The following NEK9 variants were observed in gnomAD, a reference collection of about 807,000 sequenced individuals.
NEK9 encodes the protein NIMA related kinase 9.
A neutral mutation model predicts 123.4 loss-of-function variants in NEK9; 75 were observed. The ratio of observed to expected loss-of-function variants is 0.61; its 90% CI spans 0.50 to 0.74. The LOEUF is 0.74. Among genes scored for constraint, NEK9 ranks in the 30% least tolerant of loss-of-function variants. The pLI, the probability that NEK9 is intolerant of heterozygous loss-of-function variation, is 0.00. For missense variants in NEK9, 952 were observed against 1,214.4 expected, an observed-to-expected ratio of 0.78 and a Z score of 3.21; for synonymous variants, 438 against 458.7, an observed-to-expected ratio of 0.95 and a Z score of 0.58.
At chr14:75,123,940 T>C in intron 2 of NEK9, 106 bp downstream of exon 2, 1 of 919,316 alleles carries the variant, frequency 1.1e-6, no homozygotes, top group Non-Finnish European at 1.6e-6. Flanking sequence ...AGAAATTCAT[T>C]TAAAGTTTTT....
chr14:75,118,782 C>T, intron 5 of NEK9, 48 bp downstream of exon 5: 1 of 1,061,034 alleles, frequency 9.4e-7, no homozygotes, highest in Non-Finnish European at 1.4e-6. Context: ...AGTTATATTT[C>T]ACAGTGCTAG....
At chr14:75,113,631 T>C (rs1043284248) in intron 7 of NEK9, among the ~76,000 whole-genome samples, 3 of 152,206 alleles carry the variant, frequency 2.0e-5, no homozygotes, top group Admixed American at 6.5e-5. Context: ...CAGTGGCTCT[T>C]GAACCTCAAT....
intron 19 of NEK9, among the ~76,000 whole-genome samples, chr14:75,090,276 TC>T (rs1465944213): frequency 6.7e-6 from 1 of 149,806 alleles, no homozygotes; most frequent in Non-Finnish European, 1.5e-5. Flanking sequence ...TCATGCTCGG[TC>T]TTTTTTTTTT....
intron 1 of NEK9, 114 bp from the exon 2 acceptor site, chr14:75,124,337 CTCT>C: frequency 1.2e-6 from 1 of 829,052 alleles, no homozygotes; most frequent in Admixed American, 2.7e-5. Context: ...AGACTGACTC[CTCT>C]TATTTTTTCC....
chr14:75,109,015 C>T (rs568721812), intron 10 of NEK9, among the ~76,000 whole-genome samples: 3 of 152,196 alleles, frequency 2.0e-5, no homozygotes, highest in East Asian at 1.9e-4. Context: ...CAAATGCTGC[C>T]GAGAGGTCAA....
chr14:75,111,311 G>C (rs893603517), intron 8 of NEK9, among the ~76,000 whole-genome samples: 1 of 152,162 alleles, frequency 6.6e-6, no homozygotes, highest in Non-Finnish European at 1.5e-5. Flanking sequence ...TCCTAGAGTA[G>C]TGCTCAGGCA....
chr14:75,083,099 C>T lies in NEK9; in HGVS notation c.*1465G>A, dbSNP rs75260019. 2.8e-3 allele frequency: 1,112 copies of T among 398,558 alleles called. 9 individuals carry two copies. Among genetic ancestry groups the T allele is most frequent in the African/African-American group, 0.021 (1,016 of 48,722 alleles). The allele number at this position is 398,558 out of a possible 1,614,324, so 24.7% of individuals were successfully genotyped here. On this transcript the variant is annotated 3_prime_UTR_variant, in exon 22 of 22. Coordinates refer to ENST00000238616, the MANE Select transcript of NEK9 (RefSeq NM_033116.6). ...TGGCAAAATTTCCATTGCACAAGACCTCCCACAATGTTGATAAGATTATCA... is the reference window on the plus strand; with the variant it reads ...TGGCAAAATTTCCATTGCACAAGACTTCCCACAATGTTGATAAGATTATCA...
At chr14:75,100,244 C>T (rs1170602377) in intron 16 of NEK9, among the ~76,000 whole-genome samples, 6 of 146,078 alleles carry the variant, frequency 4.1e-5, no homozygotes, top group South Asian at 4.4e-4. Context: ...GTTGGGAGTT[C>T]GAGACCAGCT....
rs1296814630 is a variant in NEK9 at position 75,126,784 on chromosome 14, C to T, written c.138G>A (p.Glu46=). The T allele has an allele frequency of 2.0e-6, 3 of 1,531,588 alleles. No homozygotes were observed. Among genetic ancestry groups the T allele is most frequent in the Non-Finnish European group, 2.6e-6 (3 of 1,140,106 alleles). 94.9% of individuals were successfully genotyped at this position (1,531,588 alleles called of 1,614,324 possible). ...QGPRAGGGAA[E]QEELHYIPIR... is the part of the protein sequence containing the mutation. ...TGGGGATGTAGTGCAGTTCCTCCTG[C>T]TCCGCCGCGCCGCCGCCGGCTCGCG... The change falls in exon 1 of 22, where the codon GAG becomes GAA. Residue 46 remains glutamate (E), a synonymous_variant. Coordinates refer to ENST00000238616, the MANE Select transcript of NEK9 (RefSeq NM_033116.6).
At chr14:75,117,043 A>G in intron 6 of NEK9, 152 bp downstream of exon 6, 2 of 921,686 alleles carry the variant, frequency 2.2e-6, no homozygotes, top group South Asian at 1.7e-5. Context: ...GGCTGGGTCT[A>G]TAGCATTTTA....
chr14:75,091,486 A>C lies in NEK9; in HGVS notation c.2234-8T>G. ...GGCTAGAGCTCTGAAACACTGACAG[A>C]TATACAGCACAGAAATAGACAGCTT... is the stretch of plus-strand genomic sequence containing the variant. On this transcript the variant is annotated splice_region_variant and splice_polypyrimidine_tract_variant and intron_variant, in intron 18 of 21. Transcript: ENST00000238616. 1 of 1,565,554 alleles carries C rather than the reference A, an allele frequency of 6.4e-7. No homozygotes were observed. The highest frequency in any genetic ancestry group is 8.6e-7 in the Non-Finnish European group (1 of 1,159,136).
rs140886744 is a variant in NEK9, at chr14:75,084,230, C to T, written c.*334G>A. 1.4e-4 allele frequency: 33 copies of T among 236,972 alleles called. No homozygotes were observed. The highest frequency in any genetic ancestry group is 1.9e-4 in the Admixed American group (4 of 20,776). 14.7% of individuals were successfully genotyped at this position (236,972 alleles called of 1,614,324 possible). On this transcript the variant is annotated 3_prime_UTR_variant, in exon 22 of 22. Coordinates refer to ENST00000238616, the MANE Select transcript of NEK9 (RefSeq NM_033116.6). ...GTGAAAATGATACATGGGATATAAG[C>T]TGCTACCAGCGCAATTAAGGTGAGC...
At chr14:75,119,572 A>G (rs1421725336) in intron 4 of NEK9, among the ~76,000 whole-genome samples, 2 of 152,240 alleles carry the variant, frequency 1.3e-5, no homozygotes, top group African/African-American at 4.8e-5. Context: ...CATAATTCCC[A>G]TAAGATACCA....
At chr14:75,118,326 A>G (rs1340370568) in intron 5 of NEK9, among the ~76,000 whole-genome samples, 1 of 152,258 alleles carries the variant, frequency 6.6e-6, no homozygotes, top group African/African-American at 2.4e-5. Context: ...ACTGTCCTAA[A>G]GATCAACTTA....
At chr14:75,088,972 G>C (rs1481288696) in intron 19 of NEK9, among the ~76,000 whole-genome samples, 1 of 152,202 alleles carries the variant, frequency 6.6e-6, no homozygotes, top group African/African-American at 2.4e-5. Flanking sequence ...TGAAAGCTGA[G>C]GCTAAAGGTG....
chr14:75,109,939 C>T lies in NEK9; in HGVS notation c.990-62G>A, dbSNP rs1292043137. 2.0e-6 allele frequency: 3 copies of T among 1,482,910 alleles called. No homozygotes were observed. The African/African-American group carries it at 4.2e-5, about 21-fold the overall frequency. 91.9% of individuals were successfully genotyped at this position (1,482,910 alleles called of 1,614,324 possible). On this transcript the variant is annotated intron_variant, in intron 9 of 21. Transcript: ENST00000238616. Reference sequence around the variant, plus strand: ...TTAAAAACAATATCAAAGAAAAATGCTTCCAGTCTGTTCCCTGAGAAGAAC... The same window carrying T: ...TTAAAAACAATATCAAAGAAAAATGTTTCCAGTCTGTTCCCTGAGAAGAAC...
chr14:75,124,324 C>T, intron 1 of NEK9, 101 bp from the exon 2 acceptor site: 4 of 928,556 alleles, frequency 4.3e-6, no homozygotes, highest in Non-Finnish European at 4.9e-6. Flanking sequence ...CCTAGAGGGG[C>T]ACAGACTGAC....
At chr14:75,088,781 T>C (rs1594821952) in intron 19 of NEK9, 140 bp from the exon 20 acceptor site, 1 of 688,126 alleles carries the variant, frequency 1.5e-6, no homozygotes, top group South Asian at 2.0e-5. Flanking sequence ...TAACAACATA[T>C]CACAGCCTAC....
chr14:75,127,137 A>T (rs1164899682), upstream of NEK9: 2 of 484,798 alleles, frequency 4.1e-6, no homozygotes, highest in Admixed American at 4.4e-5. Flanking sequence ...TGGCTAGTCT[A>T]GCGGCCAAGG....
Sources: gnomAD v4.1 joint callset for allele counts (sites outside exome capture counted in the v4.1 genomes callset) on GRCh38, gnomAD v4.1.1 for gene constraint, MANE v1.5 for transcripts, NCBI Gene and HGNC (gene_info 2026-07-23, HGNC 2026-07-21) for gene names.